DYNC2I1: variants seen among roughly 807,000 people sequenced by gnomAD.
The protein encoded by DYNC2I1 is dynein 2 intermediate chain 1, also known as cytoplasmic dynein 2 intermediate chain 1.
In DYNC2I1, 89 loss-of-function variants were observed where a neutral mutation model predicts 133.4. The observed-to-expected ratio is 0.67, with a 90% CI of 0.56 to 0.80. The LOEUF (loss-of-function observed/expected upper bound fraction) is 0.80. Among genes scored for constraint, DYNC2I1 ranks in the 30% least tolerant of loss-of-function variants. The pLI, the probability that DYNC2I1 is intolerant of heterozygous loss-of-function variation, is 0.00. For synonymous variants in DYNC2I1, 504 were observed against 484.3 expected (o/e 1.04, Z -0.54); for missense variants, 1,291 against 1,314.5 (o/e 0.98, Z 0.28).
chr7:158,929,142 C>T (rs1455904502), intron 20 of DYNC2I1, among the ~76,000 whole-genome samples: 2 of 152,200 alleles, frequency 1.3e-5, no homozygotes, highest in African/African-American at 2.4e-5. Context: ...CCAGCCTTGC[C>T]TTTAGGAAGG....
rs951882256 is a variant in DYNC2I1, at chr7:158,917,795, C to A, written c.1792-945C>A. Among the ~76,000 whole-genome samples, 4 of 152,244 alleles carry A rather than the reference C, an allele frequency of 2.6e-5. No homozygotes were observed. In the East Asian group the frequency reaches 7.7e-4, roughly 29 times the overall value. ...GTCATTTCTCACTTCAAATCTCCTG[C>A]CTTCCACACTCTCTTCCTGTCAGTT... is the stretch of plus-strand genomic sequence containing the variant. On this transcript the variant is annotated intron_variant, in intron 14 of 24. Transcript: ENST00000407559.
chr7:158,914,115 C>G, intron 13 of DYNC2I1, 118 bp from the exon 14 acceptor site: 18 of 739,118 alleles, frequency 2.4e-5, no homozygotes, highest in East Asian at 5.6e-5. Flanking sequence ...AGTTTTCTGT[C>G]TTTTCCTTCT....
At chr7:158,922,103 A>G (rs866376516) in intron 15 of DYNC2I1, among the ~76,000 whole-genome samples, 1 of 152,146 alleles carries the variant, frequency 6.6e-6, no homozygotes, top group African/African-American at 2.4e-5. Context: ...TCTGGTGGGC[A>G]GCTGGTTTCT....
intron 10 of DYNC2I1, chr7:158,904,844 C>T: frequency 4.3e-6 from 1 of 230,444 alleles, no homozygotes; most frequent in South Asian, 5.5e-5. Flanking sequence ...TCCAGAGCCA[C>T]ACCCTCTGCA....
At position 158,914,246 on chromosome 7, in the gene DYNC2I1, A is replaced by G. The variant is rs747798752; in HGVS notation, c.1716A>G (p.Arg572=). 1.9e-6 allele frequency: 3 copies of G among 1,611,484 alleles called. No homozygotes were observed. Among genetic ancestry groups the G allele is most frequent in the East Asian group, 2.2e-5 (1 of 44,840 alleles). ...TGTTTTTTTTAGGCAGTGAACAAAGAGATACCTCTGATGCTGTAGTTATGC... is the reference window on the plus strand; with the variant it reads ...TGTTTTTTTTAGGCAGTGAACAAAGGGATACCTCTGATGCTGTAGTTATGC... ...STVVSGGSEQ[R]DTSDAVVMPK... Residue 572 remains arginine (R), a synonymous_variant, in exon 14 of 25, where the codon AGA becomes AGG. Coordinates refer to ENST00000407559, the MANE Select transcript of DYNC2I1 (RefSeq NM_018051.5).
chr7:158,885,617 C>T (rs181256110), intron 6 of DYNC2I1, among the ~76,000 whole-genome samples: 1 of 152,004 alleles, frequency 6.6e-6, no homozygotes, highest in Admixed American at 6.6e-5. Context: ...GCTGGGATTA[C>T]AGGCGTGAGC....
chr7:158,912,434 A>T (rs1400473858), intron 12 of DYNC2I1, among the ~76,000 whole-genome samples: 1 of 152,212 alleles, frequency 6.6e-6, no homozygotes, highest in African/African-American at 2.4e-5. Context: ...GAAGAAGCTG[A>T]TGGCTTTTAC....
chr7:158,844,231 C>T, the DYNC2I1 span, among the ~76,000 whole-genome samples: 1 of 152,156 alleles, frequency 6.6e-6, no homozygotes, highest in East Asian at 1.9e-4. Context: ...AAGGGAAATA[C>T]ATTTGAGATA....
intron 3 of DYNC2I1, among the ~76,000 whole-genome samples, chr7:158,874,209 AT>A (rs35679970): frequency 0.024 from 3,389 of 141,010 alleles, 106 homozygotes; most frequent in African/African-American, 0.077. Context: ...GGCCTAATTA[AT>A]TTTTTTTTTT....
At chr7:158,905,965 A>G (rs1022795342) in intron 10 of DYNC2I1, 24 bp from the exon 11 acceptor site, 1 of 1,585,932 alleles carries the variant, frequency 6.3e-7, no homozygotes, top group Non-Finnish European at 8.6e-7. Context: ...TGTTGGAAAA[A>G]TAGTGTTTTT....
At chr7:158,907,557 CCCTTTT>C (rs1282094421) in intron 11 of DYNC2I1, among the ~76,000 whole-genome samples, 1 of 151,852 alleles carries the variant, frequency 6.6e-6, no homozygotes, top group Non-Finnish European at 1.5e-5. Flanking sequence ...ATTTCCCTTT[CCCTTTT>C]CCTTTCCCTT....
intron 24 of DYNC2I1, among the ~76,000 whole-genome samples, chr7:158,943,943 C>T (rs573174007): frequency 2.0e-5 from 3 of 152,284 alleles, no homozygotes; most frequent in Admixed American, 6.5e-5. Context: ...ACTTCCCACA[C>T]GGGAAAAGGC....
At chr7:158,873,081 TAAAC>T (rs977646592) in intron 3 of DYNC2I1, among the ~76,000 whole-genome samples, 3 of 152,126 alleles carry the variant, frequency 2.0e-5, no homozygotes. Flanking sequence ...TCATCGTAAA[TAAAC>T]AAAAATAAAC....
chr7:158,902,258 A>T, intron 9 of DYNC2I1, 118 bp from the exon 10 acceptor site: 3 of 797,066 alleles, frequency 3.8e-6, no homozygotes, highest in Non-Finnish European at 5.9e-6. Context: ...TATCTTTCTT[A>T]GCTGTAATAA....
At chr7:158,852,310 C>A (rs1841076683), upstream of DYNC2I1, among the ~76,000 whole-genome samples, 1 of 151,820 alleles carries the variant, frequency 6.6e-6, no homozygotes, top group Admixed American at 6.6e-5. Flanking sequence ...TTGGTAGAGA[C>A]GGGGTTTTAC....
At chr7:158,848,002 CTTTAGT>C in the DYNC2I1 span, among the ~76,000 whole-genome samples, 47 of 152,242 alleles carry the variant, frequency 3.1e-4, no homozygotes, top group Middle Eastern at 3.4e-3. Flanking sequence ...TGGACAGTAT[CTTTAGT>C]TTTAAAGACA....
At chr7:158,953,761 A>G (rs754018970) in intron 4 of DYNC2I1, among the ~76,000 whole-genome samples, 1 of 152,134 alleles carries the variant, frequency 6.6e-6, no homozygotes, top group African/African-American at 2.4e-5. Flanking sequence ...TATATGTGTA[A>G]TAAGTACCTG....
chr7:158,956,775 G>C (rs1410172212), downstream of DYNC2I1: 1 of 152,352 alleles, frequency 6.6e-6, no homozygotes, highest in South Asian at 2.1e-4. Context: ...GAGACGGTGC[G>C]AGTGGAAAAG....
downstream of DYNC2I1, among the ~76,000 whole-genome samples, chr7:158,956,931 G>A (rs771414722): frequency 4.6e-5 from 7 of 152,180 alleles, no homozygotes; most frequent in Admixed American, 6.5e-5. Flanking sequence ...GGATGGGCAC[G>A]GGCAGGGCTC....
Sources: allele counts gnomAD v4.1 joint callset (sites outside exome capture counted in the v4.1 genomes callset), GRCh38; gene constraint gnomAD v4.1.1; transcripts MANE v1.5; gene names NCBI Gene and HGNC (gene_info 2026-07-23, HGNC 2026-07-21).